The following SCAND1 variants were observed in gnomAD, a reference collection of about 807,000 sequenced individuals.
The protein encoded by SCAND1 is SCAN domain-containing protein 1.
A neutral mutation model predicts 3.4 loss-of-function variants in SCAND1; 3 were observed. That is an observed-to-expected ratio of 0.87 (90% CI 0.40 to 2.25). The LOEUF is 2.25. Among genes scored for constraint, SCAND1 ranks in the 30% most tolerant of loss-of-function variants. The pLI is 0.05. For missense variants in SCAND1, 303 were observed against 258.8 expected (o/e 1.17, Z -1.17); for synonymous variants, 152 against 120.5 (o/e 1.26, Z -1.72).
rs2056208484 is a variant in SCAND1, at chr20:35,953,935, T to C, written c.350A>G (p.Gln117Arg). Residue 117 changes from glutamine (Q) to arginine (R), a missense_variant, in exon 2 of 2, where the codon CAG (glutamine) becomes CGG (arginine). By Grantham distance (43) the Gln-to-Arg change is conservative. Transcript: ENST00000305978. ...AGCCTCCCGGGGACCCGCCGCATCC[T>C]GGTAGCGGAACTGCCGGAAACGCTG... ...FRQRFRQFRY[Q>R]DAAGPREAFR... 3 of 1,580,288 alleles carry C rather than the reference T, an allele frequency of 1.9e-6. No homozygotes were observed. The highest frequency in any genetic ancestry group is 2.3e-5 in the East Asian group (1 of 42,922).
chr20:35,955,671 T>C (rs762575779), upstream of SCAND1, among the ~76,000 whole-genome samples: 3 of 152,202 alleles, frequency 2.0e-5, no homozygotes, highest in Non-Finnish European at 2.9e-5. Context: ...TCAGAGGTAA[T>C]TGAGAATTCA....
rs752946008 is a variant in SCAND1 at position 35,953,894 on chromosome 20, C to T, written c.391G>A (p.Glu131Lys). Residue 131 changes from glutamate to lysine, a missense_variant, in exon 2 of 2, where the codon GAG becomes AAG. Glu to Lys is a moderately conservative substitution (Grantham distance 56). Transcript: ENST00000305978. ...GGCCGCAGCCACTGGCGGGACAGCT[C>T]CCGCAGCTGCCGGAAAGCCTCCCGG... ...GPREAFRQLR[E>K]LSRQWLRPDI... The T allele has an allele frequency of 3.1e-5, 48 of 1,560,134 alleles. No individual in the cohort carries two copies. Among genetic ancestry groups the T allele is most frequent in the Non-Finnish European group, 1.6e-5 (18 of 1,155,384 alleles).
At chr20:35,955,743 T>A (rs1361478471), upstream of SCAND1, among the ~76,000 whole-genome samples, 1 of 152,198 alleles carries the variant, frequency 6.6e-6, no homozygotes, top group Non-Finnish European at 1.5e-5. Flanking sequence ...GTTTTCTGTT[T>A]GGTAGCTGAC....
rs1456388548 is a variant in SCAND1 at position 35,953,968 on chromosome 20, G to A, written c.317C>T (p.Thr106Met). 3.2e-6 allele frequency: 5 copies of A among 1,564,022 alleles called. No individual in the cohort carries two copies. The highest frequency in any genetic ancestry group is 2.7e-5 in the African/African-American group (2 of 73,482). The part of the protein sequence containing the change: ...GPAGSRLGPE[T>M]FRQRFRQFRY... ...GAACTGCCGGAAACGCTGGCGGAAC[G>A]TCTCGGGACCGAGTCTAGAGCCGGC... The change falls in exon 2 of 2, where the codon ACG (threonine) becomes ATG (methionine). Residue 106 changes from threonine (T) to methionine (M), a missense_variant. Thr to Met is a moderately conservative substitution (Grantham distance 81, BLOSUM62 -1). Transcript: ENST00000305978.
At chr20:35,954,421 G>GACC in intron 1 of SCAND1, 27 bp downstream of exon 1, 1 of 1,551,158 alleles carries the variant, frequency 6.4e-7, no homozygotes, top group Non-Finnish European at 8.7e-7. Context: ...TCGGACTCGG[G>GACC]ACCGGCCGAG....
At chr20:35,958,875 G>A (rs1183906570), upstream of SCAND1, 2 of 152,202 alleles carry the variant, frequency 1.3e-5, no homozygotes, top group Non-Finnish European at 2.9e-5. Context: ...GAATCATATA[G>A]TGTATAATCA....
At chr20:35,954,523 ACCCGGAAGCCGCTTGCGGGCT>A, upstream of SCAND1, 1 of 1,525,006 alleles carries the variant, frequency 6.6e-7, no homozygotes, top group South Asian at 1.2e-5. Flanking sequence ...GCGCGCGAGC[ACCCGGAAGCCGCTTGCGGGCT>A]CCCGGAAGCG....
upstream of SCAND1, among the ~76,000 whole-genome samples, chr20:35,958,020 C>CTGA (rs2056273277): frequency 6.6e-6 from 1 of 152,228 alleles, no homozygotes; most frequent in African/African-American, 2.4e-5. Context: ...GTCCCAGACT[C>CTGA]TTTCAGAGAC....
At position 35,954,237 on chromosome 20, in the gene SCAND1, C is replaced by A; in HGVS notation, c.48G>T (p.Ala16=). 1.2e-6 allele frequency: 2 copies of A among 1,612,954 alleles called. No homozygotes were observed. Among genetic ancestry groups the A allele is most frequent in the Non-Finnish European group, 1.7e-6 (2 of 1,179,952 alleles). Residue 16 remains alanine (A), a synonymous_variant, in exon 2 of 2, where the codon GCG becomes GCT. Coordinates refer to ENST00000305978, the MANE Select transcript of SCAND1 (RefSeq NM_033630.3). ...PILAATGSPA[A]VPPEKLEGAG... is the part of the protein sequence containing the mutation. ...CTCCTTCCAGTTTCTCCGGTGGCAC[C>A]GCCGCGGGACTCCCAGTGGCCGCCA...
chr20:35,954,326 G>A lies in SCAND1; in HGVS notation c.-42C>T. On this transcript the variant is annotated 5_prime_UTR_variant, in exon 2 of 2. Coordinates refer to ENST00000305978, the MANE Select transcript of SCAND1 (RefSeq NM_033630.3). ...GTCACTCTTTGTCCGGTAGCTGTGT[G>A]CTCAGCACTGCGTCTGCGCGGGGGT... 6.2e-7 allele frequency: 1 copy of A among 1,612,284 alleles called. No homozygotes were observed. The highest frequency in any genetic ancestry group is 2.2e-5 in the East Asian group (1 of 44,818).
At position 35,953,744 on chromosome 20, in the gene SCAND1, C is replaced by T. The variant is rs367829691; in HGVS notation, c.*1G>A. The T allele has an allele frequency of 5.6e-5, 80 of 1,434,588 alleles. No individual in the cohort carries two copies. In the South Asian group the frequency reaches 1.1e-3, roughly 20 times the overall value. 88.9% of individuals were successfully genotyped at this position (1,434,588 alleles called of 1,614,324 possible). On this transcript the variant is annotated 3_prime_UTR_variant, in exon 2 of 2. Coordinates refer to ENST00000305978, the MANE Select transcript of SCAND1 (RefSeq NM_033630.3). ...GCCCTGGCCGCCCGCAGCTCCACCGCTCAGCCAGTGATGCGCACATCCGTG... is the reference window on the plus strand; with the variant it reads ...GCCCTGGCCGCCCGCAGCTCCACCGTTCAGCCAGTGATGCGCACATCCGTG...
upstream of SCAND1, among the ~76,000 whole-genome samples, chr20:35,957,486 G>C (rs1872252347): frequency 6.6e-6 from 1 of 152,116 alleles, no homozygotes; most frequent in African/African-American, 2.4e-5. Context: ...ACTTTAGAAG[G>C]CTTGAAAGAT....
upstream of SCAND1, chr20:35,957,775 G>A (rs1396916492): frequency 1.3e-5 from 2 of 152,236 alleles, no homozygotes; most frequent in Non-Finnish European, 2.9e-5. Context: ...AAGAAAGCTA[G>A]TAAGTGGTTT....
In SCAND1 at chr20:35,954,119, C is replaced by G. The variant is rs2056214137; in HGVS notation, c.166G>C (p.Ala56Pro). ...GGCGTAGGGATGGCTTCAGGGACCGCGGCGTTGGGACTGGAAGGCTCAGGG... is the reference window on the plus strand; with the variant it reads ...GGCGTAGGGATGGCTTCAGGGACCGGGGCGTTGGGACTGGAAGGCTCAGGG... Reference protein sequence around the residue: ...PAPEPSSPNAAVPEAIPTPRA... With the variant: ...PAPEPSSPNAPVPEAIPTPRA... The change falls in exon 2 of 2, where the codon GCG becomes CCG. Residue 56 changes from alanine to proline, a missense_variant. By Grantham distance (27) the Ala-to-Pro change is conservative (BLOSUM62 -1). Transcript: ENST00000305978. 4 of 1,547,026 alleles carry G rather than the reference C, an allele frequency of 2.6e-6. No individual in the cohort carries two copies. The East Asian group carries it at 9.7e-5, about 38-fold the overall frequency.
Position 35,953,688 on chromosome 20 carries a change from G to T in SCAND1, c.*57C>A. ...GTCCCAGGCTCAGGCCCCCGGGCCC[G>T]ATCATGGCCCCAGTCCGCACAGAGC... On this transcript the variant is annotated 3_prime_UTR_variant, in exon 2 of 2. Coordinates refer to ENST00000305978, the MANE Select transcript of SCAND1 (RefSeq NM_033630.3). 1 of 1,207,332 alleles carries T rather than the reference G, an allele frequency of 8.3e-7. No individual in the cohort carries two copies. Among genetic ancestry groups the T allele is most frequent in the Non-Finnish European group, 1.1e-6 (1 of 922,860 alleles). The allele number at this position is 1,207,332 out of a possible 1,614,324, so 74.8% of individuals were successfully genotyped here. A position where few individuals can be genotyped will look rare whatever the true frequency, so the allele number is the denominator to read the frequency against.
At chr20:35,954,523 A>ACCCGGAAGCCGCTTGCGGGCT (rs1286431746), upstream of SCAND1, 18 of 1,525,006 alleles carry the variant, frequency 1.2e-5, no homozygotes, top group Middle Eastern at 1.7e-4. Context: ...GCGCGCGAGC[A>ACCCGGAAGCCGCTTGCGGGCT]CCCGGAAGCC....
rs1473700745 is a variant in SCAND1, at chr20:35,954,321, T to C, written c.-37A>G. 11 of 1,612,848 alleles carry C rather than the reference T, an allele frequency of 6.8e-6. No homozygotes were observed. Among genetic ancestry groups the C allele is most frequent in the Admixed American group, 6.7e-5 (4 of 59,962 alleles). On this transcript the variant is annotated 5_prime_UTR_variant, in exon 2 of 2. Coordinates refer to ENST00000305978, the MANE Select transcript of SCAND1 (RefSeq NM_033630.3). ...CGGGCGTCACTCTTTGTCCGGTAGC[T>C]GTGTGCTCAGCACTGCGTCTGCGCG...
intron 1 of SCAND1, 51 bp from the exon 2 acceptor site, chr20:35,954,390 C>G: frequency 6.4e-7 from 1 of 1,564,660 alleles, no homozygotes; most frequent in Non-Finnish European, 8.7e-7. Context: ...AAGGGCAGAG[C>G]TCGCGTCACC....
upstream of SCAND1, among the ~76,000 whole-genome samples, chr20:35,957,529 T>C (rs959449070): frequency 1.3e-5 from 2 of 152,114 alleles, no homozygotes; most frequent in African/African-American, 4.8e-5. Context: ...TGGTATATGC[T>C]TGAAAATGTC....
Sources: allele counts gnomAD v4.1 joint callset (sites outside exome capture counted in the v4.1 genomes callset), GRCh38; gene constraint gnomAD v4.1.1; transcripts MANE v1.5; gene names NCBI Gene and HGNC (gene_info 2026-07-23, HGNC 2026-07-21).